The following CLASP1 variants were observed in gnomAD, a reference collection of about 807,000 sequenced individuals.
CLASP1 encodes cytoplasmic linker associated protein 1, also known as CLIP-associating protein 1.
A neutral mutation model predicts 192.3 loss-of-function variants in CLASP1; 38 were observed. The ratio of observed to expected loss-of-function variants is 0.20; its 90% CI spans 0.15 to 0.26. CLASP1 has a LOEUF of 0.26. Among genes scored for constraint, CLASP1 ranks in the 10% least tolerant of loss-of-function variants. The pLI, the probability that CLASP1 is intolerant of heterozygous loss-of-function variation, is 1.00. For missense variants in CLASP1, 1,433 were observed against 1,932.5 expected, an observed-to-expected ratio of 0.74 and a Z score of 4.85; for synonymous variants, 691 against 712.8, an observed-to-expected ratio of 0.97 and a Z score of 0.49.
At chr2:121,393,553 A>T (rs777619302) in intron 30 of CLASP1, among the ~76,000 whole-genome samples, 16 of 152,180 alleles carry the variant, frequency 1.1e-4, no homozygotes, top group Non-Finnish European at 1.6e-4. Flanking sequence ...TAAGTATTTT[A>T]ATTTATTTAG....
At chr2:121,451,389 A>G (rs949075392) in intron 15 of CLASP1, among the ~76,000 whole-genome samples, 1 of 152,216 alleles carries the variant, frequency 6.6e-6, no homozygotes, top group African/African-American at 2.4e-5. Context: ...CCTTAACATT[A>G]AATAGGCTGT....
chr2:121,555,982 C>CCA (rs945587190), intron 2 of CLASP1, among the ~76,000 whole-genome samples: 4 of 140,440 alleles, frequency 2.8e-5, no homozygotes, highest in African/African-American at 1.1e-4. Context: ...TGCCCCCTAC[C>CCA]CACCGCTTTT....
chr2:121,469,050 TGTTTGTTTTTCGTTTAACA>T lies in CLASP1; in HGVS notation c.865+739_865+757del, dbSNP rs528227488. ...GGGGTTTTTTGTTGTTGCTGTTTTC[TGTTTGTTTTTCGTTTAACA>T]GTCTGGTCACTCTTCCGTGGGGCTG... On this transcript the variant is annotated intron_variant, in intron 9 of 39. Transcript: ENST00000263710. Among the ~76,000 whole-genome samples the T allele has an allele frequency of 5.5e-3, 840 of 152,138 alleles. 5 individuals carry two copies. Among genetic ancestry groups the T allele is most frequent in the Non-Finnish European group, 8.7e-3 (589 of 68,022 alleles).
chr2:121,342,118 A>G (rs2062852840), intron 39 of CLASP1, among the ~76,000 whole-genome samples: 1 of 152,172 alleles, frequency 6.6e-6, no homozygotes, highest in Admixed American at 6.5e-5. Flanking sequence ...ACATATTTAA[A>G]AAAAGAATTT....
At chr2:121,431,347 T>G (rs1302292277) in intron 19 of CLASP1, among the ~76,000 whole-genome samples, 1 of 152,190 alleles carries the variant, frequency 6.6e-6, no homozygotes, top group Non-Finnish European at 1.5e-5. Flanking sequence ...ATGAGTCCAT[T>G]CAGAATCCTC....
chr2:121,384,073 C>T (rs2072534818), intron 32 of CLASP1, among the ~76,000 whole-genome samples: 1 of 136,772 alleles, frequency 7.3e-6, no homozygotes, highest in African/African-American at 2.6e-5. Context: ...TATATACACA[C>T]ACACATATAT....
At chr2:121,396,647 A>C (rs1373510034) in intron 30 of CLASP1, among the ~76,000 whole-genome samples, 1 of 152,260 alleles carries the variant, frequency 6.6e-6, no homozygotes, top group African/African-American at 2.4e-5. Flanking sequence ...CGTACCAGGC[A>C]ATACTTAAGT....
chr2:121,499,325 C>G (rs1354661239), intron 8 of CLASP1, among the ~76,000 whole-genome samples: 2 of 151,976 alleles, frequency 1.3e-5, no homozygotes, highest in African/African-American at 2.4e-5. Flanking sequence ...GACACAAAAG[C>G]CAAATATTGT....
At chr2:121,343,068 A>G (rs1198629732) in intron 39 of CLASP1, among the ~76,000 whole-genome samples, 1 of 152,206 alleles carries the variant, frequency 6.6e-6, no homozygotes, top group Non-Finnish European at 1.5e-5. Context: ...ATAATTTTCA[A>G]CAAGCATGCC....
intron 37 of CLASP1, 21 bp from the exon 39 acceptor site, chr2:121,348,739 A>G (rs2063791948): frequency 6.4e-7 from 1 of 1,566,178 alleles, no homozygotes; most frequent in Non-Finnish European, 8.7e-7. Flanking sequence ...CAGTTCCCCC[A>G]AAGAGTGAGC....
chr2:121,384,171 C>T (rs200039064), intron 32 of CLASP1, among the ~76,000 whole-genome samples: 201 of 102,674 alleles, frequency 2.0e-3, no homozygotes, highest in African/African-American at 4.3e-3. Context: ...TATATATATA[C>T]ACACACACAC....
At chr2:121,480,099 T>C (rs921750787) in intron 8 of CLASP1, among the ~76,000 whole-genome samples, 1 of 152,172 alleles carries the variant, frequency 6.6e-6, no homozygotes, top group Non-Finnish European at 1.5e-5. Context: ...ATGACACCAC[T>C]GGTACAGATA....
At chr2:121,428,291 A>G (rs1007878229) in intron 20 of CLASP1, among the ~76,000 whole-genome samples, 2 of 152,238 alleles carry the variant, frequency 1.3e-5, no homozygotes, top group African/African-American at 4.8e-5. Context: ...AGGGAACCCC[A>G]AAGACCCCAG....
intron 8 of CLASP1, chr2:121,470,623 T>C: frequency 2.2e-6 from 1 of 448,412 alleles, no homozygotes; most frequent in Non-Finnish European, 4.4e-6. Context: ...CCATTAGAAA[T>C]GCAATATTGC....
chr2:121,528,761 G>C, exon 4 of CLASP1: 1 of 1,613,374 alleles, frequency 6.2e-7, no homozygotes, highest in Non-Finnish European at 8.5e-7. Context: ...CTCCTAGTCT[G>C]TCTATTAGAC....
At chr2:121,468,701 T>C (rs1314547067) in intron 9 of CLASP1, among the ~76,000 whole-genome samples, 4 of 152,182 alleles carry the variant, frequency 2.6e-5, no homozygotes, top group African/African-American at 4.8e-5. Flanking sequence ...TTTCTAGATA[T>C]AGGATCATGT....
chr2:121,574,511 T>C (rs904910701), intron 2 of CLASP1, among the ~76,000 whole-genome samples: 1 of 150,556 alleles, frequency 6.6e-6, no homozygotes, highest in African/African-American at 2.5e-5. Flanking sequence ...GGCACACGCC[T>C]GTAATCCCAG....
intron 25 of CLASP1, 63 bp from the exon 27 acceptor site, chr2:121,404,497 CACT>C: frequency 7.0e-7 from 1 of 1,418,448 alleles, no homozygotes. Context: ...GACAGGGTCT[CACT>C]CTATTACCCA....
At chr2:121,500,486 AAAAG>A (rs1299223594) in intron 8 of CLASP1, among the ~76,000 whole-genome samples, 2 of 151,604 alleles carry the variant, frequency 1.3e-5, no homozygotes, top group Non-Finnish European at 2.9e-5. Context: ...AGAAAAGAGA[AAAAG>A]AGGAGGAGGA....
Sources: allele counts gnomAD v4.1 joint callset (sites outside exome capture counted in the v4.1 genomes callset), GRCh38; gene constraint gnomAD v4.1.1; transcripts MANE v1.5; gene names NCBI Gene and HGNC (gene_info 2026-07-23, HGNC 2026-07-21).